The following BABAM2 variants were observed in gnomAD, a reference collection of about 807,000 sequenced individuals.
BABAM2 encodes the protein BRISC and BRCA1-A complex member 2.
BABAM2 carries 31 observed loss-of-function variants against 54.7 expected under a neutral mutation model. That is an observed-to-expected ratio of 0.57 (90% CI 0.43 to 0.77). The LOEUF (loss-of-function observed/expected upper bound fraction) is 0.77, where lower values mean the gene tolerates loss of function less well. BABAM2 is among the 30% of genes least tolerant of loss of function. The probability of loss-of-function intolerance (pLI) is 0.00; values close to 1 mark genes in which losing one functional copy is unlikely to be tolerated. For synonymous variants in BABAM2, 167 were observed against 162.9 expected (o/e 1.03, Z -0.19); for missense variants, 364 against 455.8 (o/e 0.80, Z 1.83).
chr2:28,241,423 C>T (rs114295720), intron 9 of BABAM2, 30 bp downstream of exon 9: 25,860 of 1,597,296 alleles, frequency 0.016, 244 homozygotes, highest in Non-Finnish European at 0.019. Context: ...AACGATATAC[C>T]GGTGATGCCC....
rs954129022 is a variant in BABAM2 at position 28,063,968 on chromosome 2, C to T, written c.570+18169C>T. On this transcript the variant is annotated intron_variant, in intron 6 of 11. Transcript: ENST00000379624. Reference sequence around the variant, plus strand: ...ACTGTATGTGGCAGGGCCTGGATTTCAATTCAGGTCTGTCTCACTCAAAAG... The same window carrying T: ...ACTGTATGTGGCAGGGCCTGGATTTTAATTCAGGTCTGTCTCACTCAAAAG... Among the ~76,000 whole-genome samples the T allele has an allele frequency of 8.5e-5, 13 of 152,296 alleles. 1 individual carries two copies. Among genetic ancestry groups the T allele is most frequent in the Admixed American group, 5.2e-4 (8 of 15,298 alleles).
At chr2:28,020,554 G>C (rs1246886283) in intron 4 of BABAM2, among the ~76,000 whole-genome samples, 1 of 152,026 alleles carries the variant, frequency 6.6e-6, no homozygotes, top group African/African-American at 2.4e-5. Context: ...GGTTGGGAGG[G>C]GATGGGGATA....
At chr2:28,011,227 G>A (rs1363442452) in intron 4 of BABAM2, among the ~76,000 whole-genome samples, 1 of 152,194 alleles carries the variant, frequency 6.6e-6, no homozygotes, top group African/African-American at 2.4e-5. Context: ...ATATTATATG[G>A]ATCTGGGGAT....
In BABAM2 at chr2:28,168,200, G is replaced by A. The variant is rs547355903; in HGVS notation, c.680+38820G>A. On this transcript the variant is annotated intron_variant, in intron 7 of 11. Coordinates refer to ENST00000379624, the MANE Select transcript of BABAM2 (RefSeq NM_199191.3). ...AACAAGGGTCCACCAGCACACAGTG[G>A]AACCATTTTTATTATAAAGGGCCAG... Among the ~76,000 whole-genome samples, 11 of 152,226 alleles carry A rather than the reference G, an allele frequency of 7.2e-5. No individual in the cohort carries two copies. In the East Asian group the frequency reaches 1.9e-3, roughly 27 times the overall value.
At chr2:28,094,197 G>T (rs746955023) in intron 6 of BABAM2, among the ~76,000 whole-genome samples, 1 of 152,090 alleles carries the variant, frequency 6.6e-6, no homozygotes, top group Non-Finnish European at 1.5e-5. Context: ...AGAGAGAGAT[G>T]ATTGTGTTTA....
chr2:28,202,735 A>G (rs548675979), intron 7 of BABAM2, among the ~76,000 whole-genome samples: 1 of 152,314 alleles, frequency 6.6e-6, no homozygotes, highest in African/African-American at 2.4e-5. Context: ...GAATACAAAT[A>G]ATCAGGACTC....
intron 7 of BABAM2, among the ~76,000 whole-genome samples, chr2:28,217,644 C>T (rs1312353374): frequency 1.3e-5 from 2 of 152,188 alleles, no homozygotes; most frequent in Non-Finnish European, 2.9e-5. Context: ...CCTCATTTTT[C>T]TGGTTCATTC....
In BABAM2 at chr2:28,218,606, C is replaced by T. The variant is rs565819333; in HGVS notation, c.681-18596C>T. On this transcript the variant is annotated intron_variant, in intron 7 of 11. Transcript: ENST00000379624. ...AAAGTCACATGATGTCAGTTTGTCC[C>T]GGGATTGGTGATGTTGACTTTGATC... 2.6e-5 allele frequency among the ~76,000 whole-genome samples: 4 copies of T among 151,792 alleles called. 1 individual carries two copies. In the East Asian group the frequency reaches 7.7e-4, roughly 29 times the overall value.
At chr2:28,194,489 A>C (rs937580457) in intron 7 of BABAM2, among the ~76,000 whole-genome samples, 1 of 151,944 alleles carries the variant, frequency 6.6e-6, no homozygotes, top group African/African-American at 2.4e-5. Context: ...TCTCCAAATA[A>C]ACAGTGACTA....
At chr2:28,337,938 G>A (rs533897976) in intron 11 of BABAM2, among the ~76,000 whole-genome samples, 1 of 152,282 alleles carries the variant, frequency 6.6e-6, no homozygotes, top group South Asian at 2.1e-4. Context: ...AGTGTGCTGT[G>A]GTTGGACCAC....
intron 4 of BABAM2, among the ~76,000 whole-genome samples, chr2:27,988,387 A>G (rs1021281897): frequency 5.9e-5 from 9 of 152,198 alleles, no homozygotes; most frequent in African/African-American, 9.6e-5. Flanking sequence ...TTGTTTTAAC[A>G]TAATATATCA....
intron 10 of BABAM2, among the ~76,000 whole-genome samples, chr2:28,261,463 G>T (rs1684525958): frequency 6.6e-6 from 1 of 151,778 alleles, no homozygotes; most frequent in South Asian, 2.1e-4. Flanking sequence ...CCGAGTAGCT[G>T]GGACTACAGG....
intron 2 of BABAM2, among the ~76,000 whole-genome samples, chr2:27,899,025 A>T (rs1665560597): frequency 1.3e-5 from 2 of 152,008 alleles, no homozygotes; most frequent in South Asian, 2.1e-4. Context: ...GCTACTTGGG[A>T]GGCTGAGACA....
At chr2:27,998,449 A>G (rs970297252) in intron 4 of BABAM2, among the ~76,000 whole-genome samples, 2 of 152,040 alleles carry the variant, frequency 1.3e-5, no homozygotes, top group African/African-American at 4.8e-5. Flanking sequence ...TGCCACATGG[A>G]CATACGTTTG....
At chr2:28,298,243 A>C in intron 10 of BABAM2, 95 bp from the exon 11 acceptor site, 3 of 1,317,658 alleles carry the variant, frequency 2.3e-6, no homozygotes, top group Non-Finnish European at 3.2e-6. Context: ...TGGTTCAAAT[A>C]GAGTTTCGTA....
intron 6 of BABAM2, among the ~76,000 whole-genome samples, chr2:28,049,105 T>TG (rs756182955): frequency 6.6e-6 from 1 of 152,208 alleles, no homozygotes; most frequent in Non-Finnish European, 1.5e-5. Flanking sequence ...TACAGTATTT[T>TG]GGGGGATAGG....
chr2:28,080,387 G>A (rs1425530548), intron 6 of BABAM2, among the ~76,000 whole-genome samples: 2 of 152,144 alleles, frequency 1.3e-5, no homozygotes, highest in Non-Finnish European at 2.9e-5. Flanking sequence ...TATGTAATCA[G>A]AGCATTGAAA....
At chr2:28,213,093 G>A (rs963986082) in intron 7 of BABAM2, among the ~76,000 whole-genome samples, 2 of 152,082 alleles carry the variant, frequency 1.3e-5, no homozygotes, top group African/African-American at 4.8e-5. Flanking sequence ...TGGGTGTGGT[G>A]GCACGCACCT....
chr2:28,267,424 GACACACACACACATACAC>G (rs1685074272), intron 10 of BABAM2, among the ~76,000 whole-genome samples: 1 of 146,804 alleles, frequency 6.8e-6, no homozygotes, highest in Non-Finnish European at 1.5e-5. Context: ...ACACTGACTA[GACACACACACACATACAC>G]ACACACACAC....
Sources: gnomAD v4.1 joint callset for allele counts (sites outside exome capture counted in the v4.1 genomes callset) on GRCh38, gnomAD v4.1.1 for gene constraint, MANE v1.5 for transcripts, NCBI Gene and HGNC (gene_info 2026-07-23, HGNC 2026-07-21) for gene names.